Variants in CHST9 observed in about 807,000 individuals in gnomAD.
CHST9 encodes GalNAc-4-sulfotransferase 2.
A neutral mutation model predicts 44.4 loss-of-function variants in CHST9; 41 were observed. The observed-to-expected ratio is 0.92, with a 90% CI of 0.72 to 1.20. The LOEUF (loss-of-function observed/expected upper bound fraction) is 1.20. Among genes scored for constraint, CHST9 ranks in the 50% most tolerant of loss-of-function variants. The pLI is 0.00. For missense variants in CHST9, 504 were observed against 516.5 expected, an observed-to-expected ratio of 0.98 and a Z score of 0.23; for synonymous variants, 171 against 178.4, an observed-to-expected ratio of 0.96 and a Z score of 0.33.
intron 4 of CHST9, among the ~76,000 whole-genome samples, chr18:27,005,822 T>C (rs1406943404): frequency 6.6e-6 from 1 of 152,068 alleles, no homozygotes. Context: ...AGCTTAAGAT[T>C]TGAACAGTTC....
At chr18:27,099,082 C>G (rs953156465) in intron 2 of CHST9, among the ~76,000 whole-genome samples, 3 of 151,994 alleles carry the variant, frequency 2.0e-5, no homozygotes, top group African/African-American at 7.2e-5. Context: ...CAAAAATAAG[C>G]AATAGAAAGA....
chr18:27,078,696 G>A (rs568931417), intron 2 of CHST9, among the ~76,000 whole-genome samples: 1 of 152,200 alleles, frequency 6.6e-6, no homozygotes, highest in South Asian at 2.1e-4. Context: ...ACATTGGACT[G>A]TCTCTTCCAT....
intron 3 of CHST9, among the ~76,000 whole-genome samples, chr18:27,047,258 TACA>T (rs2057512480): frequency 6.6e-6 from 1 of 152,130 alleles, no homozygotes; most frequent in South Asian, 2.1e-4. Context: ...AAGAAGGTAG[TACA>T]TACAGCATTA....
intron 4 of CHST9, among the ~76,000 whole-genome samples, chr18:27,000,653 T>TATCTATCTATCTATC (rs1481787739): frequency 7.9e-5 from 12 of 151,562 alleles, no homozygotes; most frequent in African/African-American, 2.9e-4. Context: ...TCTATCTATC[T>TATCTATCTATCTATC]ATCTCTCTAT....
At chr18:27,124,920 A>G (rs9949069) in intron 2 of CHST9, among the ~76,000 whole-genome samples, 1,606 of 152,288 alleles carry the variant, frequency 0.011, 23 homozygotes, top group African/African-American at 0.033. Context: ...CAGCCTGATC[A>G]CTTTATGGAT....
chr18:26,954,779 T>C (rs1431227815), intron 4 of CHST9, among the ~76,000 whole-genome samples: 1 of 152,142 alleles, frequency 6.6e-6, no homozygotes, highest in Non-Finnish European at 1.5e-5. Flanking sequence ...AACTTGCAAT[T>C]ATTTTATTTG....
At chr18:27,031,709 C>A (rs572019697) in intron 3 of CHST9, among the ~76,000 whole-genome samples, 1 of 152,306 alleles carries the variant, frequency 6.6e-6, no homozygotes, top group Non-Finnish European at 1.5e-5. Flanking sequence ...ACTCAGAATT[C>A]TCTACAAATT....
intron 4 of CHST9, among the ~76,000 whole-genome samples, chr18:26,956,873 A>G (rs1399707774): frequency 1.3e-5 from 2 of 152,180 alleles, no homozygotes; most frequent in Non-Finnish European, 2.9e-5. Flanking sequence ...TGGACTTTGC[A>G]TACTGATTCT....
chr18:26,913,939 T>C lies in CHST9; in HGVS notation c.*2320A>G, dbSNP rs2055476078. On this transcript the variant is annotated 3_prime_UTR_variant, in exon 6 of 6. Transcript: ENST00000618847. Reference sequence around the variant, plus strand: ...GAAGAGCAGGTACATAAAAAGTTTGTTCTTACTTGGCAAAGACATGCATGG... The same window carrying C: ...GAAGAGCAGGTACATAAAAAGTTTGCTCTTACTTGGCAAAGACATGCATGG... 1 of 152,214 alleles carries C rather than the reference T, an allele frequency of 6.6e-6. No homozygotes were observed. The highest frequency in any genetic ancestry group is 2.4e-5 in the African/African-American group (1 of 41,456). The allele number at this position is 152,214 out of a possible 1,614,324, so 9.4% of individuals were successfully genotyped here. A position where few individuals can be genotyped will look rare whatever the true frequency, so the allele number is the denominator to read the frequency against.
At chr18:26,922,629 T>A (rs890441572) in intron 5 of CHST9, among the ~76,000 whole-genome samples, 2 of 150,574 alleles carry the variant, frequency 1.3e-5, no homozygotes, top group African/African-American at 4.9e-5. Context: ...TTCTTGTTAT[T>A]TTTATTTATT....
At chr18:27,013,662 C>T (rs987462161) in intron 4 of CHST9, among the ~76,000 whole-genome samples, 1 of 152,136 alleles carries the variant, frequency 6.6e-6, no homozygotes, top group Non-Finnish European at 1.5e-5. Context: ...TCCCTAGTTG[C>T]TTCTCTCTTT....
chr18:26,939,079 T>C (rs2056043425), intron 5 of CHST9, among the ~76,000 whole-genome samples: 1 of 152,192 alleles, frequency 6.6e-6, no homozygotes, highest in South Asian at 2.1e-4. Context: ...AAACACAATC[T>C]CTTCCCTTTA....
chr18:27,053,749 C>A (rs1219110051), intron 2 of CHST9, among the ~76,000 whole-genome samples: 1 of 152,120 alleles, frequency 6.6e-6, no homozygotes, highest in African/African-American at 2.4e-5. Context: ...GCCATTACAC[C>A]AGGAATTACA....
chr18:27,143,074 C>G (rs182409362), intron 1 of CHST9, 169 bp from the exon 2 acceptor site: 23 of 245,414 alleles, frequency 9.4e-5, no homozygotes, highest in African/African-American at 4.7e-4. Flanking sequence ...TTTTCTATTG[C>G]ATACTTTTAT....
chr18:27,154,680 C>A (rs1389260619), intron 1 of CHST9, among the ~76,000 whole-genome samples: 1 of 151,982 alleles, frequency 6.6e-6, no homozygotes, highest in Admixed American at 6.6e-5. Context: ...TTGCCTTGTT[C>A]TTGGAGGAGG....
intron 4 of CHST9, among the ~76,000 whole-genome samples, chr18:26,989,813 G>A (rs1186270551): frequency 2.0e-5 from 3 of 152,112 alleles, no homozygotes; most frequent in Admixed American, 6.5e-5. Flanking sequence ...ATTTAGGCAT[G>A]GTGGCAGGTG....
At chr18:26,921,338 C>T (rs2055649357) in intron 5 of CHST9, among the ~76,000 whole-genome samples, 2 of 152,154 alleles carry the variant, frequency 1.3e-5, no homozygotes, top group South Asian at 2.1e-4. Context: ...GGGAAAGGTT[C>T]ACCACTCAAT....
Position 26,907,552 on chromosome 18 carries a change from G to A in CHST9, c.*8707C>T, listed in dbSNP as rs569749893. ...AGAGAGTCCCCAAGCAGAGAGGGTA[G>A]AGCGAGCTGAATGTGGGATGGTCAT... On this transcript the variant is annotated 3_prime_UTR_variant, in exon 6 of 6. Coordinates refer to ENST00000618847, the MANE Select transcript of CHST9 (RefSeq NM_031422.6). The A allele has an allele frequency of 6.6e-6, 1 of 152,590 alleles. No individual in the cohort carries two copies. The highest frequency in any genetic ancestry group is 2.1e-4 in the South Asian group (1 of 4,816). 9.5% of individuals were successfully genotyped at this position (152,590 alleles called of 1,614,324 possible). A position where few individuals can be genotyped will look rare whatever the true frequency, so the allele number is the denominator to read the frequency against.
chr18:27,015,107 CTAA>C (rs879608004), intron 4 of CHST9, among the ~76,000 whole-genome samples: 1 of 152,102 alleles, frequency 6.6e-6, no homozygotes, highest in Non-Finnish European at 1.5e-5. Flanking sequence ...TTGCAGATAT[CTAA>C]TGTGATCCCA....
Sources: gnomAD v4.1 joint callset for allele counts (sites outside exome capture counted in the v4.1 genomes callset) on GRCh38, gnomAD v4.1.1 for gene constraint, MANE v1.5 for transcripts, NCBI Gene and HGNC (gene_info 2026-07-23, HGNC 2026-07-21) for gene names.